The following N4BP2 variants were observed in gnomAD, a reference collection of about 807,000 sequenced individuals.
N4BP2 encodes the protein NEDD4 binding protein 2, also known as NEDD4-binding protein 2.
N4BP2 carries 91 observed loss-of-function variants against 152.8 expected under a neutral mutation model. That is an observed-to-expected ratio of 0.60 (90% CI 0.50 to 0.71). The LOEUF (loss-of-function observed/expected upper bound fraction) is 0.71, where lower values mean the gene tolerates loss of function less well. Ranked by LOEUF, N4BP2 falls within the 30% of genes least tolerant of loss-of-function variation. The pLI, the probability that N4BP2 is intolerant of heterozygous loss-of-function variation, is 0.00. For synonymous variants in N4BP2, 646 were observed against 705.3 expected, an observed-to-expected ratio of 0.92 and a Z score of 1.33; for missense variants, 1,923 against 2,059.1, an observed-to-expected ratio of 0.93 and a Z score of 1.28.
Position 40,136,970 on chromosome 4 carries a change from T to A in N4BP2, c.4673T>A (p.Phe1558Tyr). The stretch of plus-strand genomic sequence containing the variant: ...TATTCATTAGAACACACAGTGCAAT[T>A]TCTTAACTGTGTTCTTGAAGGGGAC... ...HNYSLEHTVQFLNCVLEGDPV... is the reference protein window; with the variant it reads ...HNYSLEHTVQYLNCVLEGDPV... Residue 1558 changes from phenylalanine to tyrosine, a missense_variant, in exon 14 of 18, where the codon TTT becomes TAT. Transcript: ENST00000261435. 1 of 1,612,624 alleles carries A rather than the reference T, an allele frequency of 6.2e-7. No homozygotes were observed. Among genetic ancestry groups the A allele is most frequent in the Non-Finnish European group, 8.5e-7 (1 of 1,179,066 alleles).
At chr4:40,153,442 ATAAGT>A (rs961440299) in intron 17 of N4BP2, among the ~76,000 whole-genome samples, 5 of 152,322 alleles carry the variant, frequency 3.3e-5, no homozygotes, top group Admixed American at 2.6e-4. Context: ...TTGTGTTTTC[ATAAGT>A]TAAATGCCAT....
intron 1 of N4BP2, among the ~76,000 whole-genome samples, chr4:40,063,341 C>T (rs950730381): frequency 3.3e-5 from 5 of 152,206 alleles, no homozygotes; most frequent in Admixed American, 3.3e-4. Flanking sequence ...CGTACTTATA[C>T]TCTGTGCATA....
Position 40,083,611 on chromosome 4 carries a change from T to C in N4BP2, c.-115+10060T>C, listed in dbSNP as rs372281148. 1.8e-4 allele frequency among the ~76,000 whole-genome samples: 27 copies of C among 152,298 alleles called. 1 individual carries two copies. In the South Asian group the frequency reaches 5.4e-3, roughly 30 times the overall value. ...GTTTTAGATTATACAATTCTCTTCA[T>C]ATAAATGCCTAGAATAGGTAAACCT... On this transcript the variant is annotated intron_variant, in intron 2 of 17. Coordinates refer to ENST00000261435, the MANE Select transcript of N4BP2 (RefSeq NM_018177.6).
At chr4:40,112,339 T>A in intron 6 of N4BP2, among the ~76,000 whole-genome samples, 167 bp downstream of exon 6, 1 of 152,234 alleles carries the variant, frequency 6.6e-6, no homozygotes. Flanking sequence ...GCCATTTAGC[T>A]GAGTTTTTCC....
chr4:40,105,102 A>C (rs1047387058), intron 4 of N4BP2, among the ~76,000 whole-genome samples: 4 of 152,068 alleles, frequency 2.6e-5, no homozygotes, highest in African/African-American at 9.7e-5. Context: ...ACGCCCAACA[A>C]TCCTGCGTTG....
intron 1 of N4BP2, among the ~76,000 whole-genome samples, chr4:40,068,357 A>G (rs368582110): frequency 7.2e-5 from 11 of 152,110 alleles, no homozygotes; most frequent in East Asian, 5.8e-4. Flanking sequence ...TTTGTTGCCT[A>G]TGCCTTTGGT....
rs1560613182 is a variant in N4BP2, at chr4:40,120,422, A to G, written c.2311A>G (p.Lys771Glu). 5.6e-6 allele frequency: 9 copies of G among 1,613,928 alleles called. No homozygotes were observed. The highest frequency in any genetic ancestry group is 7.6e-6 in the Non-Finnish European group (9 of 1,180,024). The change falls in exon 9 of 18, where the codon AAA becomes GAA. Residue 771 changes from lysine (K) to glutamate (E), a missense_variant. By Grantham distance (56) the Lys-to-Glu change is moderately conservative (BLOSUM62 1). Coordinates refer to ENST00000261435, the MANE Select transcript of N4BP2 (RefSeq NM_018177.6). ...AACGAAAAAAGCCTTTGGGAAACAA[A>G]AAAGCAAATCGACTTTGGAAAAGTT... is the stretch of plus-strand genomic sequence containing the variant. ...TVTKKAFGKQ[K>E]SKSTLEKFPR...
rs754738533 is a variant in N4BP2 at position 40,102,889 on chromosome 4, T to TC, written c.1046dup (p.Leu350SerfsTer22). 9.3e-6 allele frequency: 15 copies of TC among 1,614,044 alleles called. No homozygotes were observed. In the African/African-American group the frequency reaches 1.7e-4, roughly 19 times the overall value. ...ATGTGAGTTACTGCCCGGTACTTGCTCCTCTCCCATTGCTGTTGCCTCCTC... is the reference window on the plus strand; with the variant it reads ...ATGTGAGTTACTGCCCGGTACTTGCTCCCTCTCCCATTGCTGTTGCCTCCTC... On this transcript the variant is annotated frameshift_variant, in exon 4 of 18. Transcript: ENST00000261435. LOFTEE classifies it high-confidence loss of function.
chr4:40,089,260 C>G (rs1714300593), intron 2 of N4BP2, among the ~76,000 whole-genome samples: 1 of 152,126 alleles, frequency 6.6e-6, no homozygotes, highest in Admixed American at 6.6e-5. Context: ...GCCACCATGC[C>G]TGGCATACTG....
intron 2 of N4BP2, among the ~76,000 whole-genome samples, chr4:40,086,325 TA>T (rs1421512717): frequency 6.6e-6 from 1 of 151,430 alleles, no homozygotes; most frequent in Non-Finnish European, 1.5e-5. Flanking sequence ...AGAAAAAATT[TA>T]AAAAATTATT....
chr4:40,150,167 A>AT (rs1026610905), intron 16 of N4BP2, among the ~76,000 whole-genome samples: 1 of 152,174 alleles, frequency 6.6e-6, no homozygotes, highest in Non-Finnish European at 1.5e-5. Context: ...TCGGAGATGA[A>AT]TTTTTTAAAA....
At position 40,102,163 on chromosome 4, in the gene N4BP2, G is replaced by A; in HGVS notation, c.318G>A (p.Glu106=). Reference sequence around the variant, plus strand: ...CTTCACAAAGTTTCGTTGCTTCTGAGAACCAAGTAGGTGCAGCAGAAAGTA... The same window carrying A: ...CTTCACAAAGTTTCGTTGCTTCTGAAAACCAAGTAGGTGCAGCAGAAAGTA... ...ESSSQSFVAS[E]NQVGAAESKI... is the part of the protein sequence containing the mutation. The change falls in exon 4 of 18, where the codon GAG becomes GAA. Residue 106 remains glutamate, a synonymous_variant. Transcript: ENST00000261435. The A allele has an allele frequency of 1.2e-6, 2 of 1,613,684 alleles. No individual in the cohort carries two copies. Among genetic ancestry groups the A allele is most frequent in the Non-Finnish European group, 1.7e-6 (2 of 1,179,842 alleles).
intron 12 of N4BP2, among the ~76,000 whole-genome samples, chr4:40,129,532 T>C (rs1370746314): frequency 6.6e-6 from 1 of 152,188 alleles, no homozygotes; most frequent in Non-Finnish European, 1.5e-5. Flanking sequence ...TGGCCTTTTC[T>C]TGTTTTTCTG....
At chr4:40,144,294 C>T (rs1038658020) in intron 15 of N4BP2, among the ~76,000 whole-genome samples, 13 of 152,174 alleles carry the variant, frequency 8.5e-5, no homozygotes, top group African/African-American at 2.9e-4. Flanking sequence ...AACAATGCTT[C>T]ACCAGCCATC....
intron 14 of N4BP2, among the ~76,000 whole-genome samples, chr4:40,138,688 C>G (rs1560634246): frequency 6.6e-6 from 1 of 152,192 alleles, no homozygotes. Context: ...TTTCTTGGCA[C>G]TCTTGTTGAA....
At chr4:40,077,242 C>T (rs1578964292) in intron 2 of N4BP2, among the ~76,000 whole-genome samples, 2 of 151,826 alleles carry the variant, frequency 1.3e-5, no homozygotes, top group Admixed American at 1.3e-4. Context: ...CTCACTGCAA[C>T]CTCTGCCTCC....
At chr4:40,176,654 T>C in the N4BP2 span, among the ~76,000 whole-genome samples, 1 of 152,250 alleles carries the variant, frequency 6.6e-6, no homozygotes, top group Non-Finnish European at 1.5e-5. Context: ...ATAATTGTGA[T>C]ACTCTTTTCT....
intron 16 of N4BP2, among the ~76,000 whole-genome samples, chr4:40,150,782 A>C (rs1415458017): frequency 6.6e-6 from 1 of 152,218 alleles, no homozygotes; most frequent in Non-Finnish European, 1.5e-5. Flanking sequence ...GAAATATATC[A>C]ATCAAATAGA....
At chr4:40,166,046 T>G in the N4BP2 span, among the ~76,000 whole-genome samples, 1 of 152,158 alleles carries the variant, frequency 6.6e-6, no homozygotes, top group South Asian at 2.1e-4. Flanking sequence ...TCATCTCAGC[T>G]TCCTTGGTTC....
Sources: allele counts gnomAD v4.1 joint callset (sites outside exome capture counted in the v4.1 genomes callset), GRCh38; gene constraint gnomAD v4.1.1; transcripts MANE v1.5; gene names NCBI Gene and HGNC (gene_info 2026-07-23, HGNC 2026-07-21).